NEBL: variants seen among roughly 807,000 people sequenced by gnomAD.
NEBL encodes nebulette.
In NEBL, 122 loss-of-function variants were observed where a neutral mutation model predicts 140.2. The observed-to-expected ratio is 0.87, with a 90% CI of 0.75 to 1.01. The LOEUF (loss-of-function observed/expected upper bound fraction) is 1.01, where lower values mean the gene tolerates loss of function less well. Ranked by LOEUF, NEBL falls within the 50% of genes least tolerant of loss-of-function variation. The pLI is 0.00. For synonymous variants in NEBL, 436 were observed against 398.9 expected, an observed-to-expected ratio of 1.09 and a Z score of -1.11; for missense variants, 1,365 against 1,231.3, an observed-to-expected ratio of 1.11 and a Z score of -1.62.
At chr10:21,234,885 G>A (rs150276890) in intron 3 of NEBL, among the ~76,000 whole-genome samples, 131 of 152,226 alleles carry the variant, frequency 8.6e-4, no homozygotes, top group Admixed American at 1.4e-3. Context: ...GGTTTCCTCC[G>A]GTACAGGCCA....
Position 20,831,254 on chromosome 10 carries a change from A to G in NEBL, c.1613T>C (p.Val538Ala). Residue 538 changes from valine to alanine, a missense_variant, in exon 16 of 28, where the codon GTG becomes GCG. Val to Ala is a moderately conservative substitution (Grantham distance 64). Coordinates refer to ENST00000377122, the MANE Select transcript of NEBL (RefSeq NM_006393.3). Reference protein sequence around the residue: ...ENEIKGKGMQVSMDIPDILRA... With the variant: ...ENEIKGKGMQASMDIPDILRA... The stretch of plus-strand genomic sequence containing the variant: ...AAGGATATCTGGGATATCCATGCTC[A>G]CTTGCATTCCTTTCCCTTTAATTTC... 1.2e-6 allele frequency: 2 copies of G among 1,613,662 alleles called. No homozygotes were observed. The highest frequency in any genetic ancestry group is 1.7e-6 in the Non-Finnish European group (2 of 1,179,824).
At chr10:20,843,582 G>C (rs1349235343) in intron 12 of NEBL, among the ~76,000 whole-genome samples, 1 of 151,972 alleles carries the variant, frequency 6.6e-6, no homozygotes, top group African/African-American at 2.4e-5. Context: ...TTTTTAAATG[G>C]AAGACAACAG....
intron 4 of NEBL, among the ~76,000 whole-genome samples, chr10:20,943,808 A>C (rs1156313380): frequency 1.3e-5 from 2 of 152,178 alleles, no homozygotes; most frequent in East Asian, 3.9e-4. Flanking sequence ...TTCTGACTTT[A>C]AGAGTCAAAG....
intron 2 of NEBL, among the ~76,000 whole-genome samples, chr10:21,109,580 T>C (rs1191228686): frequency 6.6e-6 from 1 of 152,080 alleles, no homozygotes; most frequent in Non-Finnish European, 1.5e-5. Flanking sequence ...AATGGTTCCA[T>C]CTCCTCTTTG....
At chr10:21,200,402 C>T (rs1364673402) in intron 3 of NEBL, among the ~76,000 whole-genome samples, 1 of 150,040 alleles carries the variant, frequency 6.7e-6, no homozygotes, top group Non-Finnish European at 1.5e-5. Context: ...CAAGCTCCAC[C>T]TCCTGGGTTC....
At chr10:20,833,797 C>T (rs544174710) in intron 14 of NEBL, among the ~76,000 whole-genome samples, 2 of 151,274 alleles carry the variant, frequency 1.3e-5, no homozygotes. Flanking sequence ...ACTAGGAAGG[C>T]AATAATAGCA....
At chr10:20,880,746 G>A (rs1845942491) in intron 5 of NEBL, 48 bp downstream of exon 5, 3 of 1,365,000 alleles carry the variant, frequency 2.2e-6, no homozygotes, top group South Asian at 2.3e-5. Flanking sequence ...GCCCTAATAT[G>A]ACTTAACTAC....
At chr10:21,098,338 A>C (rs1373738747) in intron 2 of NEBL, among the ~76,000 whole-genome samples, 1 of 152,212 alleles carries the variant, frequency 6.6e-6, no homozygotes, top group African/African-American at 2.4e-5. Context: ...AGATCAAACT[A>C]TGACTCTTTC....
chr10:21,093,747 A>G (rs1368642831), intron 2 of NEBL, among the ~76,000 whole-genome samples: 1 of 152,238 alleles, frequency 6.6e-6, no homozygotes, highest in East Asian at 1.9e-4. Flanking sequence ...GAGGAGAACA[A>G]TATTTTATCC....
At chr10:20,905,630 A>G (rs1379327360) in intron 4 of NEBL, among the ~76,000 whole-genome samples, 3 of 152,180 alleles carry the variant, frequency 2.0e-5, no homozygotes, top group African/African-American at 7.2e-5. Context: ...CATGTCACCA[A>G]TAAATGACCA....
intron 1 of NEBL, among the ~76,000 whole-genome samples, chr10:21,256,163 G>T (rs750172176): frequency 6.6e-6 from 1 of 151,820 alleles, no homozygotes; most frequent in Non-Finnish European, 1.5e-5. Context: ...CACATCCTGG[G>T]TTCAAGTGAT....
chr10:20,906,682 T>G (rs1056066279), intron 4 of NEBL, among the ~76,000 whole-genome samples: 4 of 152,030 alleles, frequency 2.6e-5, no homozygotes, highest in African/African-American at 9.7e-5. Context: ...CATTCAATCA[T>G]TCACTCATTT....
In NEBL at chr10:20,859,719, C is replaced by T. The variant is rs375771045; in HGVS notation, c.792G>A (p.Ala264=). The T allele has an allele frequency of 3.3e-5, 52 of 1,576,532 alleles. No homozygotes were observed. Among genetic ancestry groups the T allele is most frequent in the Non-Finnish European group, 3.9e-5 (45 of 1,147,572 alleles). ...TCTATGAATTACAACTTACATTGCT[C>T]GCCAGTGTAGCAGCAAGCTGATTCT... is the stretch of plus-strand genomic sequence containing the variant. ...FRQNQLAATL[A]SNVKYKKDIQ... is the part of the protein sequence containing the mutation. The change falls in exon 8 of 28, where the codon GCG becomes GCA. Residue 264 remains alanine, a synonymous_variant. Coordinates refer to ENST00000377122, the MANE Select transcript of NEBL (RefSeq NM_006393.3).
chr10:21,143,814 A>C (rs1258180057), intron 2 of NEBL, among the ~76,000 whole-genome samples: 1 of 152,032 alleles, frequency 6.6e-6, no homozygotes, highest in Admixed American at 6.6e-5. Context: ...CTATTCTAGG[A>C]CTTAGCCCCA....
At chr10:20,787,726 A>G (rs904944665) in intron 26 of NEBL, among the ~76,000 whole-genome samples, 7 of 152,218 alleles carry the variant, frequency 4.6e-5, no homozygotes, top group Non-Finnish European at 1.0e-4. Flanking sequence ...TATTTCTCAT[A>G]TAACAGATAC....
At chr10:20,929,870 G>A (rs921463476) in intron 4 of NEBL, among the ~76,000 whole-genome samples, 2 of 152,100 alleles carry the variant, frequency 1.3e-5, no homozygotes, top group African/African-American at 4.8e-5. Context: ...TCACCACTGT[G>A]CAATATATGT....
chr10:20,864,616 C>T (rs1172421263), intron 7 of NEBL, among the ~76,000 whole-genome samples: 1 of 152,192 alleles, frequency 6.6e-6, no homozygotes. Flanking sequence ...GCTTCTGGTG[C>T]TGTGGTGCTC....
intron 3 of NEBL, among the ~76,000 whole-genome samples, chr10:20,997,555 C>A (rs979215064): frequency 7.2e-6 from 1 of 139,714 alleles, no homozygotes; most frequent in African/African-American, 2.6e-5. Flanking sequence ...TAGTAGCCAA[C>A]CCTGCAATGC....
intron 2 of NEBL, among the ~76,000 whole-genome samples, chr10:21,089,735 A>T (rs1027583310): frequency 7.2e-5 from 11 of 152,100 alleles, no homozygotes; most frequent in African/African-American, 2.7e-4. Context: ...TCAACAACAG[A>T]ATCTTCTCCC....
Sources: allele counts gnomAD v4.1 joint callset (sites outside exome capture counted in the v4.1 genomes callset), GRCh38; gene constraint gnomAD v4.1.1; transcripts MANE v1.5; gene names NCBI Gene and HGNC (gene_info 2026-07-23, HGNC 2026-07-21).